SEMA5A: variants seen among roughly 807,000 people sequenced by gnomAD.
SEMA5A encodes the protein semaphorin-5A.
Under a neutral mutation model 135.5 loss-of-function variants are expected in SEMA5A, and 55 were observed. The ratio of observed to expected loss-of-function variants is 0.41; its 90% confidence interval spans 0.33 to 0.51. The LOEUF is 0.51. Among genes scored for constraint, SEMA5A ranks in the 20% least tolerant of loss-of-function variants. The probability of loss-of-function intolerance (pLI) is 0.37; values close to 1 mark genes in which losing one functional copy is unlikely to be tolerated. For missense variants in SEMA5A, 1,290 were observed against 1,419.9 expected (o/e 0.91, Z 1.47); for synonymous variants, 580 against 546.5 (o/e 1.06, Z -0.85).
intron 16 of SEMA5A, among the ~76,000 whole-genome samples, chr5:9,099,801 C>T (rs1360457649): frequency 6.6e-6 from 1 of 152,126 alleles, no homozygotes; most frequent in Non-Finnish European, 1.5e-5. Flanking sequence ...GAGATGAGCC[C>T]CTTGGTGTCC....
At chr5:9,083,308 T>C (rs1372188680) in intron 16 of SEMA5A, among the ~76,000 whole-genome samples, 2 of 152,212 alleles carry the variant, frequency 1.3e-5, no homozygotes, top group Non-Finnish European at 2.9e-5. Context: ...ACTGCATTTT[T>C]TGTTCTTTTA....
chr5:9,325,702 T>C (rs527252594), intron 4 of SEMA5A, among the ~76,000 whole-genome samples: 67 of 152,316 alleles, frequency 4.4e-4, no homozygotes, highest in African/African-American at 8.2e-4. Context: ...ACTCATTTCA[T>C]CTAGAGACAC....
intron 16 of SEMA5A, among the ~76,000 whole-genome samples, chr5:9,107,784 A>T (rs558096674): frequency 9.9e-5 from 15 of 152,280 alleles, no homozygotes; most frequent in African/African-American, 3.6e-4. Flanking sequence ...GTGGTTGCAG[A>T]ACATCTAGTG....
chr5:9,085,515 A>G (rs1297475790), intron 16 of SEMA5A, among the ~76,000 whole-genome samples: 1 of 152,218 alleles, frequency 6.6e-6, no homozygotes, highest in African/African-American at 2.4e-5. Flanking sequence ...GCAAGCCCCA[A>G]GCCTTGGAAG....
chr5:9,341,750 CATA>C (rs1475554141), intron 3 of SEMA5A, among the ~76,000 whole-genome samples: 1 of 149,680 alleles, frequency 6.7e-6, no homozygotes, highest in Non-Finnish European at 1.5e-5. Flanking sequence ...ATAGATAATT[CATA>C]ATATTTGAGG....
At chr5:9,062,850 G>A in intron 18 of SEMA5A, 37 bp downstream of exon 18, 1 of 1,607,684 alleles carries the variant, frequency 6.2e-7, no homozygotes, top group South Asian at 1.1e-5. Context: ...AGGCCCTTGA[G>A]TTTTCAGATG....
intron 5 of SEMA5A, among the ~76,000 whole-genome samples, chr5:9,257,361 A>C (rs943758504): frequency 6.6e-6 from 1 of 152,208 alleles, no homozygotes; most frequent in Non-Finnish European, 1.5e-5. Context: ...CACATGGTAC[A>C]TGTGCCATTA....
chr5:9,360,473 TC>T (rs1754643251), intron 3 of SEMA5A, among the ~76,000 whole-genome samples: 1 of 152,166 alleles, frequency 6.6e-6, no homozygotes, highest in Non-Finnish European at 1.5e-5. Context: ...CTCAATTGTG[TC>T]CCCCAAAGCA....
chr5:9,283,903 G>A (rs1735906330), intron 5 of SEMA5A, among the ~76,000 whole-genome samples: 1 of 152,112 alleles, frequency 6.6e-6, no homozygotes, highest in African/African-American at 2.4e-5. Context: ...CATGATTGCA[G>A]GACATAACAC....
chr5:9,403,725 T>C (rs527500298), intron 2 of SEMA5A, among the ~76,000 whole-genome samples: 4 of 152,222 alleles, frequency 2.6e-5, no homozygotes, highest in South Asian at 2.1e-4. Context: ...TCCTTGACAG[T>C]CCACAGAGGC....
At chr5:9,202,981 G>T (rs776355877) in intron 8 of SEMA5A, among the ~76,000 whole-genome samples, 75 of 152,138 alleles carry the variant, frequency 4.9e-4, no homozygotes, top group Non-Finnish European at 1.2e-4. Context: ...GGGAAACAAA[G>T]AAATGGCAAA....
At chr5:9,248,260 T>C (rs1340449589) in intron 5 of SEMA5A, among the ~76,000 whole-genome samples, 2 of 152,162 alleles carry the variant, frequency 1.3e-5, no homozygotes, top group Non-Finnish European at 2.9e-5. Context: ...CCTTTTGTTA[T>C]AATTTTACAA....
In SEMA5A at chr5:9,049,200, C is replaced by T. The variant is rs189246430; in HGVS notation, c.2893+1210G>A. On this transcript the variant is annotated intron_variant, in intron 21 of 22. Transcript: ENST00000382496. ...TTTTTGATGCAGAGTCTCATTCTGTCGCCCAGGCTGGAATGCAGTGGCACG... is the reference window on the plus strand; with the variant it reads ...TTTTTGATGCAGAGTCTCATTCTGTTGCCCAGGCTGGAATGCAGTGGCACG... Among the ~76,000 whole-genome samples the T allele has an allele frequency of 1.3e-4, 20 of 152,004 alleles. No individual in the cohort carries two copies. In the East Asian group the frequency reaches 3.0e-3, roughly 23 times the overall value.
chr5:9,182,908 TTC>T (rs1744600616), intron 11 of SEMA5A, among the ~76,000 whole-genome samples: 1 of 152,092 alleles, frequency 6.6e-6, no homozygotes, highest in Non-Finnish European at 1.5e-5. Flanking sequence ...TTACAGAACT[TTC>T]AGTAATTATT....
chr5:9,318,515 C>T (rs923672029), intron 4 of SEMA5A, 98 bp from the exon 5 acceptor site: 1 of 981,334 alleles, frequency 1.0e-6, no homozygotes, highest in Non-Finnish European at 1.5e-6. Context: ...ATAATTTTGA[C>T]TTCAAAAGCA....
intron 16 of SEMA5A, among the ~76,000 whole-genome samples, chr5:9,068,640 A>G (rs1336412304): frequency 6.6e-6 from 1 of 152,160 alleles, no homozygotes; most frequent in Non-Finnish European, 1.5e-5. Context: ...GGAGAGAGGT[A>G]TGGAGGTCTG....
intron 17 of SEMA5A, among the ~76,000 whole-genome samples, chr5:9,065,464 G>C (rs1442094916): frequency 6.6e-6 from 1 of 152,176 alleles, no homozygotes; most frequent in East Asian, 1.9e-4. Flanking sequence ...ACTTGTCCAG[G>C]CTATCCACTC....
intron 16 of SEMA5A, among the ~76,000 whole-genome samples, chr5:9,080,272 A>G (rs1413252277): frequency 2.0e-5 from 3 of 152,204 alleles, no homozygotes. Flanking sequence ...GCTGGAAACC[A>G]TCATTCTCAG....
intron 18 of SEMA5A, among the ~76,000 whole-genome samples, chr5:9,055,291 CAGGA>C: frequency 6.6e-6 from 1 of 152,212 alleles, no homozygotes; most frequent in African/African-American, 2.4e-5. Flanking sequence ...GACAAAGCTA[CAGGA>C]CGTTGTCAAA....
Sources: allele counts gnomAD v4.1 joint callset (sites outside exome capture counted in the v4.1 genomes callset), GRCh38; gene constraint gnomAD v4.1.1; transcripts MANE v1.5; gene names NCBI Gene and HGNC (gene_info 2026-07-23, HGNC 2026-07-21).